Variants in GPHN observed in about 807,000 individuals in gnomAD.
The protein encoded by GPHN is gephyrin.
A neutral mutation model predicts 95.5 loss-of-function variants in GPHN; 17 were observed. The ratio of observed to expected loss-of-function variants is 0.18; its 90% confidence interval spans 0.12 to 0.27. GPHN has a LOEUF of 0.27. Among genes scored for constraint, GPHN ranks in the 10% least tolerant of loss-of-function variants. The probability of loss-of-function intolerance (pLI) is 1.00; values close to 1 mark genes in which losing one functional copy is unlikely to be tolerated. For missense variants in GPHN, 660 were observed against 978.1 expected (o/e 0.67, Z 4.34); for synonymous variants, 320 against 322.5 (o/e 0.99, Z 0.08).
chr14:66,925,991 C>G (rs903079783), intron 8 of GPHN, among the ~76,000 whole-genome samples: 7 of 152,166 alleles, frequency 4.6e-5, no homozygotes, highest in African/African-American at 1.7e-4. Context: ...TTGCATTTAT[C>G]TGATGATCAA....
chr14:66,864,184 T>G (rs1415113816), intron 4 of GPHN, among the ~76,000 whole-genome samples: 1 of 152,080 alleles, frequency 6.6e-6, no homozygotes, highest in Non-Finnish European at 1.5e-5. Context: ...CAAAAGAAGA[T>G]GTACAAATGG....
intron 17 of GPHN, among the ~76,000 whole-genome samples, chr14:67,132,660 T>C (rs960773690): frequency 1.2e-4 from 19 of 152,042 alleles, no homozygotes; most frequent in African/African-American, 3.9e-4. Flanking sequence ...CCCTCCTTTA[T>C]CTTTAAGCGT....
chr14:66,515,564 T>C (rs1283661561), intron 1 of GPHN, among the ~76,000 whole-genome samples: 2 of 152,198 alleles, frequency 1.3e-5, no homozygotes, highest in Admixed American at 1.3e-4. Flanking sequence ...TTTGAAATTA[T>C]AGGTAAAAAA....
In GPHN at chr14:67,143,375, C is replaced by A; in HGVS notation, c.1762C>A (p.Leu588Ile). 6.2e-7 allele frequency: 1 copy of A among 1,607,222 alleles called. No homozygotes were observed. The highest frequency in any genetic ancestry group is 8.5e-7 in the Non-Finnish European group (1 of 1,173,770). ...ATTTTTTTCCAGCCCAGATGACTTA[C>A]TCAATGCCTTGAATGAGGGTATCAG... ...GIVGDNPDDL[L>I]NALNEGISRA... Residue 588 changes from leucine (L) to isoleucine (I), a missense_variant, in exon 18 of 23, where the codon CTC (leucine) becomes ATC (isoleucine). Leu to Ile is a conservative substitution (Grantham distance 5, BLOSUM62 2). Coordinates refer to ENST00000478722, the MANE Select transcript of GPHN (RefSeq NM_020806.5).
At chr14:66,544,466 T>C (rs2059459715) in intron 1 of GPHN, among the ~76,000 whole-genome samples, 3 of 152,252 alleles carry the variant, frequency 2.0e-5, no homozygotes, top group Admixed American at 2.0e-4. Context: ...GATTTTCATC[T>C]ATTAGGTTTG....
chr14:66,514,290 G>A (rs1229312372), intron 1 of GPHN, among the ~76,000 whole-genome samples: 1 of 151,972 alleles, frequency 6.6e-6, no homozygotes. Context: ...TTTCAAGTGA[G>A]CTCCAGATCT....
intron 4 of GPHN, among the ~76,000 whole-genome samples, chr14:66,859,873 CA>C (rs1273157913): frequency 6.6e-6 from 1 of 151,902 alleles, no homozygotes; most frequent in Non-Finnish European, 1.5e-5. Context: ...CAGAATCGAT[CA>C]ATCAGAAGAA....
rs564426992 is a variant in GPHN at position 67,021,286 on chromosome 14, C to G, written c.964-2347C>G. Among the ~76,000 whole-genome samples the G allele has an allele frequency of 2.6e-5, 4 of 152,174 alleles. No individual in the cohort carries two copies. In the South Asian group the frequency reaches 8.3e-4, roughly 32 times the overall value. ...TATAATCATTGATATTAAAGTGATTCTCCCCAAATCTGGTTCAAATAGCCA... is the reference window on the plus strand; with the variant it reads ...TATAATCATTGATATTAAAGTGATTGTCCCCAAATCTGGTTCAAATAGCCA... On this transcript the variant is annotated intron_variant, in intron 9 of 22. Coordinates refer to ENST00000478722, the MANE Select transcript of GPHN (RefSeq NM_020806.5).
the GPHN span, among the ~76,000 whole-genome samples, chr14:67,464,052 C>T: frequency 0.062 from 9,409 of 151,958 alleles, 335 homozygotes; most frequent in South Asian, 0.12. Flanking sequence ...CATGAGGTGG[C>T]GCAGGGTGTG....
At chr14:66,858,756 G>C (rs2062902046) in intron 4 of GPHN, among the ~76,000 whole-genome samples, 1 of 152,118 alleles carries the variant, frequency 6.6e-6, no homozygotes, top group African/African-American at 2.4e-5. Context: ...CCTGCCCTGG[G>C]CCACAGGGGA....
chr14:66,985,411 C>T (rs1480564472), intron 9 of GPHN, among the ~76,000 whole-genome samples: 1 of 152,100 alleles, frequency 6.6e-6, no homozygotes, highest in Admixed American at 6.6e-5. Flanking sequence ...ACTCCAGATA[C>T]TGCTTCATCA....
intron 9 of GPHN, among the ~76,000 whole-genome samples, chr14:66,981,268 A>G (rs1397333480): frequency 2.6e-5 from 4 of 151,996 alleles, no homozygotes; most frequent in African/African-American, 9.7e-5. Context: ...TATATTAATC[A>G]CCTCTCTTTC....
chr14:67,642,563 C>T, the GPHN span, among the ~76,000 whole-genome samples: 7 of 152,112 alleles, frequency 4.6e-5, no homozygotes, highest in Non-Finnish European at 8.8e-5. Context: ...TTGTATGACA[C>T]ATTGCACAGT....
At chr14:67,613,766 C>T in the GPHN span, 1 of 205,908 alleles carries the variant, frequency 4.9e-6, no homozygotes, top group Non-Finnish European at 1.0e-5. Flanking sequence ...GATTGCCAAA[C>T]AGAGGTTCAG....
intron 4 of GPHN, among the ~76,000 whole-genome samples, chr14:66,827,676 AACT>A (rs1305704423): frequency 6.6e-6 from 1 of 152,114 alleles, no homozygotes; most frequent in Non-Finnish European, 1.5e-5. Context: ...CCAGATAGAC[AACT>A]ATAGCCTTTT....
At chr14:67,225,926 A>AGAGTGTGTGT in the GPHN span, among the ~76,000 whole-genome samples, 4 of 136,630 alleles carry the variant, frequency 2.9e-5, no homozygotes, top group Non-Finnish European at 4.7e-5. Context: ...TAATGCTGTG[A>AGAGTGTGTGT]GTGTGTGTGT....
chr14:67,071,868 T>C (rs868546415), intron 11 of GPHN, among the ~76,000 whole-genome samples: 2 of 152,188 alleles, frequency 1.3e-5, no homozygotes, highest in Middle Eastern at 6.9e-3. Context: ...AATATATCTC[T>C]TTAAGCAATT....
At chr14:67,385,981 T>G in the GPHN span, 2 of 152,174 alleles carry the variant, frequency 1.3e-5, no homozygotes, top group Non-Finnish European at 2.9e-5. Context: ...TGCCAGTACC[T>G]TGCCGAGACT....
chr14:66,836,205 A>G (rs1028189030), intron 4 of GPHN, among the ~76,000 whole-genome samples: 1 of 130,818 alleles, frequency 7.6e-6, no homozygotes, highest in Non-Finnish European at 1.5e-5. Flanking sequence ...CTACAAGGCT[A>G]CAATAACCAA....
Sources: allele counts gnomAD v4.1 joint callset (sites outside exome capture counted in the v4.1 genomes callset), GRCh38; gene constraint gnomAD v4.1.1; transcripts MANE v1.5; gene names NCBI Gene and HGNC (gene_info 2026-07-23, HGNC 2026-07-21).